Variants in APPBP2 observed in about 807,000 individuals in gnomAD.
APPBP2 encodes amyloid beta precursor protein binding protein 2.
In APPBP2, 15 loss-of-function variants were observed where a neutral mutation model predicts 76.0. The observed-to-expected ratio is 0.20, with a 90% CI of 0.13 to 0.30. APPBP2 has a LOEUF of 0.30. Ranked by LOEUF, APPBP2 falls within the 10% of genes least tolerant of loss-of-function variation. APPBP2 has a pLI of 1.00. For missense variants in APPBP2, 401 were observed against 687.2 expected (o/e 0.58, Z 4.66); for synonymous variants, 222 against 242.2 (o/e 0.92, Z 0.77).
At chr17:60,458,762 A>G (rs1209739504) in intron 9 of APPBP2, among the ~76,000 whole-genome samples, 2 of 151,264 alleles carry the variant, frequency 1.3e-5, no homozygotes, top group African/African-American at 4.9e-5. Flanking sequence ...AACCAAAAAG[A>G]AGTTCTGGTT....
chr17:60,444,576 G>A lies in APPBP2; in HGVS notation c.*3005C>T, dbSNP rs1163471743. On this transcript the variant is annotated 3_prime_UTR_variant, in exon 13 of 13. Transcript: ENST00000083182. ...CACAAGTGAAAAAATACCTGGGCAG[G>A]GGTTACTACAAAGCAATAGTGAGCC... The A allele has an allele frequency of 6.6e-6, 1 of 152,076 alleles. No homozygotes were observed. The highest frequency in any genetic ancestry group is 2.1e-4 in the South Asian group (1 of 4,820). 9.4% of individuals were successfully genotyped at this position (152,076 alleles called of 1,614,324 possible).
At chr17:60,452,097 G>T in intron 11 of APPBP2, 52 bp from the exon 12 acceptor site, 1 of 1,568,888 alleles carries the variant, frequency 6.4e-7, no homozygotes, top group Non-Finnish European at 8.7e-7. Context: ...CATCTTAACA[G>T]TTCTTACTCA....
At chr17:60,453,999 G>A (rs143783978) in intron 11 of APPBP2, among the ~76,000 whole-genome samples, 1,628 of 152,214 alleles carry the variant, frequency 0.011, 21 homozygotes, top group African/African-American at 0.036. Context: ...AGTCTTCCAA[G>A]TAGGTAGGAA....
chr17:60,511,821 TATTG>T (rs1487981521), intron 1 of APPBP2, among the ~76,000 whole-genome samples: 1 of 152,102 alleles, frequency 6.6e-6, no homozygotes, highest in East Asian at 1.9e-4. Context: ...CTCCTTTTCT[TATTG>T]ATTTGCAAGA....
Position 60,511,152 on chromosome 17 carries a change from CAT to C in APPBP2, c.139-10667_139-10666del, listed in dbSNP as rs141360165. On this transcript the variant is annotated intron_variant, in intron 1 of 12. Coordinates refer to ENST00000083182, the MANE Select transcript of APPBP2 (RefSeq NM_006380.5). ...TAAGGCCTAGTCAGTGATAACCAGT[CAT>C]ACATAACACAATATATACCAGCAAT... 2.0e-3 allele frequency among the ~76,000 whole-genome samples: 301 copies of C among 152,276 alleles called. 5 individuals are homozygous for C. The East Asian group carries it at 0.047, about 24-fold the overall frequency.
chr17:60,479,747 A>G (rs1320689445), intron 3 of APPBP2, among the ~76,000 whole-genome samples: 2 of 152,206 alleles, frequency 1.3e-5, no homozygotes, highest in Non-Finnish European at 2.9e-5. Context: ...TGTCCTGGGC[A>G]GTATTTCCTC....
chr17:60,508,379 G>C (rs923645567), intron 1 of APPBP2, among the ~76,000 whole-genome samples: 1 of 151,986 alleles, frequency 6.6e-6, no homozygotes, highest in South Asian at 2.1e-4. Flanking sequence ...ACACAGAAAG[G>C]CTGGATATAT....
chr17:60,452,706 A>G (rs1305715494), intron 11 of APPBP2, among the ~76,000 whole-genome samples: 1 of 152,120 alleles, frequency 6.6e-6, no homozygotes, highest in Non-Finnish European at 1.5e-5. Context: ...AGATTGCTTG[A>G]GCCCAGGAGT....
intron 4 of APPBP2, among the ~76,000 whole-genome samples, chr17:60,474,177 AT>A (rs201442798): frequency 9.6e-4 from 139 of 144,056 alleles, no homozygotes; most frequent in East Asian, 6.9e-3. Context: ...TTTTTTTTTT[AT>A]TTTTTTTTTT....
chr17:60,450,020 C>A (rs1318727587), intron 12 of APPBP2, among the ~76,000 whole-genome samples: 1 of 151,926 alleles, frequency 6.6e-6, no homozygotes, highest in Non-Finnish European at 1.5e-5. Flanking sequence ...TGGGCTTGGA[C>A]TCCTGACCTC....
At chr17:60,460,405 G>C in intron 9 of APPBP2, 1 of 215,498 alleles carries the variant, frequency 4.6e-6, no homozygotes, top group East Asian at 1.0e-4. Context: ...TCAAACTCTT[G>C]GGCTCAAGCA....
intron 2 of APPBP2, among the ~76,000 whole-genome samples, chr17:60,495,080 G>A (rs1426553804): frequency 3.3e-5 from 5 of 150,580 alleles, no homozygotes; most frequent in African/African-American, 7.3e-5. Flanking sequence ...CACCTCCCTG[G>A]TTCAAGCGAT....
At position 60,508,040 on chromosome 17, in the gene APPBP2, C is replaced by T. The variant is rs150066022; in HGVS notation, c.139-7553G>A. Among the ~76,000 whole-genome samples, 93 of 151,352 alleles carry T rather than the reference C, an allele frequency of 6.1e-4. 1 individual carries two copies. In the East Asian group the frequency reaches 0.011, roughly 18 times the overall value. Reference sequence around the variant, plus strand: ...CAGGCTGGAGTGCAGTGGTGAAATCCCAGCTCACTGCAGCCTCCGCTTCCT... The same window carrying T: ...CAGGCTGGAGTGCAGTGGTGAAATCTCAGCTCACTGCAGCCTCCGCTTCCT... On this transcript the variant is annotated intron_variant, in intron 1 of 12. Transcript: ENST00000083182.
At chr17:60,449,076 A>G (rs1167530819) in intron 12 of APPBP2, among the ~76,000 whole-genome samples, 1 of 152,364 alleles carries the variant, frequency 6.6e-6, no homozygotes, top group South Asian at 2.1e-4. Flanking sequence ...TGAACATAGT[A>G]TTCTGAAAAT....
chr17:60,452,167 C>T, intron 11 of APPBP2, 122 bp from the exon 12 acceptor site: 3 of 1,010,320 alleles, frequency 3.0e-6, no homozygotes, highest in Non-Finnish European at 4.4e-6. Context: ...GTAATCAGAT[C>T]AAAGAACATA....
intron 1 of APPBP2, among the ~76,000 whole-genome samples, chr17:60,501,166 G>A (rs1009574669): frequency 6.6e-6 from 1 of 151,736 alleles, no homozygotes; most frequent in African/African-American, 2.4e-5. Flanking sequence ...AAATAAATTC[G>A]CTAGGTGTGG....
intron 1 of APPBP2, among the ~76,000 whole-genome samples, chr17:60,516,829 C>A (rs2090967589): frequency 6.6e-6 from 1 of 152,118 alleles, no homozygotes; most frequent in Non-Finnish European, 1.5e-5. Context: ...TTCTCCATAT[C>A]CTTGCTAACA....
chr17:60,510,025 T>G (rs1410649152), intron 1 of APPBP2, among the ~76,000 whole-genome samples: 1 of 150,624 alleles, frequency 6.6e-6, no homozygotes, highest in African/African-American at 2.5e-5. Flanking sequence ...ATCCTTTACC[T>G]CTAACATAAA....
rs557588324 is a variant in APPBP2 at position 60,486,676 on chromosome 17, G to A, written c.380-7405C>T. On this transcript the variant is annotated intron_variant, in intron 3 of 12. Transcript: ENST00000083182. ...TGCCAGTCTGTGTCTTTTAATTGGG[G>A]CATTTAGCCCATTTATATTTAAGGT... Among the ~76,000 whole-genome samples, 11 of 152,162 alleles carry A rather than the reference G, an allele frequency of 7.2e-5. No homozygotes were observed. The East Asian group carries it at 1.3e-3, about 19-fold the overall frequency.
Sources: allele counts gnomAD v4.1 joint callset (sites outside exome capture counted in the v4.1 genomes callset), GRCh38; gene constraint gnomAD v4.1.1; transcripts MANE v1.5; gene names NCBI Gene and HGNC (gene_info 2026-07-23, HGNC 2026-07-21).